Variants in AMD1 observed in about 807,000 individuals in gnomAD.
AMD1 encodes S-adenosylmethionine decarboxylase proenzyme.
AMD1 carries 11 observed loss-of-function variants against 40.2 expected under a neutral mutation model. The observed-to-expected ratio is 0.27, with a 90% CI of 0.17 to 0.45. The LOEUF (loss-of-function observed/expected upper bound fraction) is 0.45, where lower values mean the gene tolerates loss of function less well. Among genes scored for constraint, AMD1 ranks in the 20% least tolerant of loss-of-function variants. The probability of loss-of-function intolerance (pLI) is 1.00; values close to 1 mark genes in which losing one functional copy is unlikely to be tolerated. For synonymous variants in AMD1, 121 were observed against 130.8 expected (o/e 0.93, Z 0.51); for missense variants, 257 against 410.2 (o/e 0.63, Z 3.23).
At chr6:110,890,392 TA>T in intron 4 of AMD1, 36 bp downstream of exon 4, 1 of 1,470,044 alleles carries the variant, frequency 6.8e-7, no homozygotes, top group African/African-American at 1.4e-5. Flanking sequence ...GTTGTCTTCT[TA>T]AAGATAGAAA....
chr6:110,877,600 A>T (rs1201002059), intron 1 of AMD1, among the ~76,000 whole-genome samples: 6 of 152,282 alleles, frequency 3.9e-5, no homozygotes, highest in African/African-American at 1.2e-4. Flanking sequence ...ACAGCATTTA[A>T]TAGCTGTGTG....
At chr6:110,841,733 A>G in the AMD1 span, among the ~76,000 whole-genome samples, 1 of 118,300 alleles carries the variant, frequency 8.5e-6, no homozygotes, top group Non-Finnish European at 1.8e-5. Context: ...TGCCCCCATT[A>G]AAAAAAAAAA....
At chr6:110,821,365 G>A in the AMD1 span, among the ~76,000 whole-genome samples, 2 of 152,050 alleles carry the variant, frequency 1.3e-5, no homozygotes, top group Non-Finnish European at 2.9e-5. Context: ...TTGGGAGGCC[G>A]AGGCGGGTGG....
the AMD1 span, chr6:110,815,035 G>A: frequency 2.5e-6 from 4 of 1,604,108 alleles, no homozygotes; most frequent in Non-Finnish European, 2.6e-6. Flanking sequence ...CCTTGTAGAC[G>A]TGACCGTAGG....
the AMD1 span, chr6:110,858,241 G>A: frequency 4.3e-6 from 4 of 934,970 alleles, no homozygotes; most frequent in Admixed American, 2.0e-5. Flanking sequence ...CGCCAGCCAT[G>A]AGCTCCACGC....
chr6:110,821,707 G>A, the AMD1 span, among the ~76,000 whole-genome samples: 1 of 152,188 alleles, frequency 6.6e-6, no homozygotes, highest in South Asian at 2.1e-4. Context: ...AAAGGTGGGT[G>A]TGGGCAATGG....
the AMD1 span, among the ~76,000 whole-genome samples, chr6:110,833,306 T>C: frequency 6.6e-6 from 1 of 152,162 alleles, no homozygotes; most frequent in African/African-American, 2.4e-5. Flanking sequence ...CCTTCTACAA[T>C]GGCCAAGAGA....
At chr6:110,854,992 T>G in the AMD1 span, among the ~76,000 whole-genome samples, 1 of 151,998 alleles carries the variant, frequency 6.6e-6, no homozygotes, top group Non-Finnish European at 1.5e-5. Context: ...AAGGTTAGGT[T>G]TATTTATAAA....
chr6:110,886,954 C>T (rs779856162), intron 1 of AMD1, among the ~76,000 whole-genome samples: 1 of 152,188 alleles, frequency 6.6e-6, no homozygotes, highest in African/African-American at 2.4e-5. Context: ...TCCTGTTAAA[C>T]GGGCTTTCTC....
At chr6:110,839,167 AT>A in the AMD1 span, among the ~76,000 whole-genome samples, 1 of 152,194 alleles carries the variant, frequency 6.6e-6, no homozygotes. Context: ...TTTTCTATTC[AT>A]GTGCAAATGT....
the AMD1 span, chr6:110,815,086 C>T: frequency 3.7e-6 from 6 of 1,603,558 alleles, no homozygotes; most frequent in East Asian, 9.3e-5. Context: ...CAAACAAATC[C>T]TCCACCCGCT....
At chr6:110,819,087 G>T in the AMD1 span, among the ~76,000 whole-genome samples, 1 of 152,292 alleles carries the variant, frequency 6.6e-6, no homozygotes, top group East Asian at 1.9e-4. Flanking sequence ...GCCGGGTGCA[G>T]TGGCTCATGG....
At chr6:110,847,042 A>AGT in the AMD1 span, among the ~76,000 whole-genome samples, 2,335 of 146,324 alleles carry the variant, frequency 0.016, 21 homozygotes, top group Middle Eastern at 0.021. Context: ...GAACTAGGAG[A>AGT]GTGTGTGTGT....
the AMD1 span, chr6:110,858,909 C>T: frequency 2.3e-6 from 2 of 858,546 alleles, no homozygotes; most frequent in Admixed American, 1.8e-5. Flanking sequence ...ATGACGGCTC[C>T]GGGACCCGGT....
chr6:110,892,595 C>T, intron 6 of AMD1, 140 bp from the exon 7 acceptor site: 5 of 1,383,680 alleles, frequency 3.6e-6, no homozygotes, highest in Admixed American at 4.0e-5. Flanking sequence ...CACAGTATTT[C>T]GTCACCCAGG....
At chr6:110,851,574 T>A in the AMD1 span, among the ~76,000 whole-genome samples, 1 of 151,934 alleles carries the variant, frequency 6.6e-6, no homozygotes, top group Non-Finnish European at 1.5e-5. Context: ...GCGATTCTCC[T>A]GACTCAGCCT....
chr6:110,843,023 C>T, the AMD1 span, among the ~76,000 whole-genome samples: 2 of 152,032 alleles, frequency 1.3e-5, no homozygotes, highest in East Asian at 3.9e-4. Flanking sequence ...GTCCCAGCTA[C>T]TCGGGAGGCT....
the AMD1 span, among the ~76,000 whole-genome samples, chr6:110,856,027 C>G: frequency 6.6e-6 from 1 of 152,106 alleles, no homozygotes; most frequent in African/African-American, 2.4e-5. Flanking sequence ...TTGCACTGAG[C>G]CATGCTTACA....
chr6:110,881,697 T>TG (rs1177606384), intron 1 of AMD1, among the ~76,000 whole-genome samples: 4 of 151,940 alleles, frequency 2.6e-5, no homozygotes, highest in Non-Finnish European at 5.9e-5. Flanking sequence ...GGCAGATGCC[T>TG]GTAATCAGTC....
Sources: allele counts gnomAD v4.1 joint callset (sites outside exome capture counted in the v4.1 genomes callset), GRCh38; gene constraint gnomAD v4.1.1; transcripts MANE v1.5; gene names NCBI Gene and HGNC (gene_info 2026-07-23, HGNC 2026-07-21).